LDLRAD4: variants seen among roughly 807,000 people sequenced by gnomAD.
The protein encoded by LDLRAD4 is low density lipoprotein receptor class A domain containing 4.
LDLRAD4 carries 5 observed loss-of-function variants against 17.0 expected under a neutral mutation model. The observed-to-expected ratio is 0.29, with a 90% CI of 0.15 to 0.62. The LOEUF (loss-of-function observed/expected upper bound fraction) is 0.62, where lower values mean the gene tolerates loss of function less well. Among genes scored for constraint, LDLRAD4 ranks in the 20% least tolerant of loss-of-function variants. The pLI is 0.84. For synonymous variants in LDLRAD4, 168 were observed against 171.8 expected, an observed-to-expected ratio of 0.98 and a Z score of 0.17; for missense variants, 340 against 424.7, an observed-to-expected ratio of 0.80 and a Z score of 1.75.
At chr18:13,408,835 T>TC (rs2088042063) in intron 2 of LDLRAD4, among the ~76,000 whole-genome samples, 2 of 152,316 alleles carry the variant, frequency 1.3e-5, no homozygotes, top group African/African-American at 4.8e-5. Flanking sequence ...TCCTTTTTTT[T>TC]CTTTCTCTTT....
chr18:13,629,291 T>A (rs1406526854), intron 4 of LDLRAD4, among the ~76,000 whole-genome samples: 3 of 152,252 alleles, frequency 2.0e-5, no homozygotes, highest in African/African-American at 7.2e-5. Context: ...TTAAGTCTTG[T>A]TCATTATATG....
At chr18:13,311,565 C>T (rs752874174) in intron 1 of LDLRAD4, among the ~76,000 whole-genome samples, 5 of 152,166 alleles carry the variant, frequency 3.3e-5, no homozygotes, top group South Asian at 2.1e-4. Context: ...AGCTGGTTGT[C>T]GCCATGTTCT....
At chr18:13,370,346 C>A (rs945242022) in intron 1 of LDLRAD4, among the ~76,000 whole-genome samples, 3 of 152,158 alleles carry the variant, frequency 2.0e-5, no homozygotes, top group African/African-American at 7.2e-5. Flanking sequence ...AGTCCAGGGT[C>A]CGGAGGTGGG....
intron 1 of LDLRAD4, among the ~76,000 whole-genome samples, chr18:13,298,256 G>A (rs954587266): frequency 1.3e-5 from 2 of 152,364 alleles, no homozygotes; most frequent in South Asian, 2.1e-4. Context: ...TGGGGCTGGA[G>A]GCCTGCCTGG....
intron 1 of LDLRAD4, among the ~76,000 whole-genome samples, chr18:13,324,294 C>T (rs1179602080): frequency 2.7e-5 from 4 of 147,058 alleles, no homozygotes; most frequent in East Asian, 4.2e-4. Context: ...CCTGCCACCA[C>T]ACCTGGCTAA....
rs183273503 is a variant in LDLRAD4 at position 13,261,770 on chromosome 18, T to C, written c.-466-16335T>C. Among the ~76,000 whole-genome samples the C allele has an allele frequency of 2.8e-3, 423 of 152,188 alleles. 2 individuals are homozygous for C. The highest frequency in any genetic ancestry group is 9.7e-3 in the African/African-American group (403 of 41,510). The stretch of plus-strand genomic sequence containing the variant: ...GCCCAAGAGTTATGGCTTACCCGGC[T>C]GCAGGCAGCATGCCACCTGTATGCA... On this transcript the variant is annotated intron_variant, in intron 1 of 5. Coordinates refer to the LDLRAD4 transcript ENST00000399848.
intron 3 of LDLRAD4, among the ~76,000 whole-genome samples, chr18:13,508,919 A>G (rs1280197873): frequency 6.6e-6 from 1 of 152,238 alleles, no homozygotes; most frequent in African/African-American, 2.4e-5. Flanking sequence ...CTTCTGATGG[A>G]TCTGGGCAAA....
intron 1 of LDLRAD4, among the ~76,000 whole-genome samples, chr18:13,370,721 T>TTTTTTTTGTTTTTG (rs1555663322): frequency 4.1e-5 from 6 of 147,098 alleles, no homozygotes; most frequent in Non-Finnish European, 7.5e-5. Context: ...TTGTTTTTTT[T>TTTTTTTTGTTTTTG]TTTTTTTGAG....
At chr18:13,279,826 C>T (rs2045141867) in intron 1 of LDLRAD4, 1 of 152,256 alleles carries the variant, frequency 6.6e-6, no homozygotes, top group South Asian at 2.1e-4. Flanking sequence ...AATTTTCAAG[C>T]ACAGACTTAG....
rs188310506 is a variant in LDLRAD4 at position 13,327,530 on chromosome 18, G to A, written c.-383+49342G>A. 3.3e-3 allele frequency among the ~76,000 whole-genome samples: 498 copies of A among 152,174 alleles called. 2 individuals carry two copies. The highest frequency in any genetic ancestry group is 4.5e-3 in the Non-Finnish European group (304 of 67,998). ...ATCAAAGCCAGATTTCAAGGAAGTC[G>A]GAAGGAGCAGATGGAGAGGAAGTGG... On this transcript the variant is annotated intron_variant, in intron 1 of 5. Coordinates refer to ENST00000359446, the Ensembl canonical transcript of LDLRAD4.
chr18:13,274,512 C>T (rs1279683141), upstream of LDLRAD4, among the ~76,000 whole-genome samples: 1 of 152,154 alleles, frequency 6.6e-6, no homozygotes, highest in East Asian at 1.9e-4. Flanking sequence ...TTTTTCTTGG[C>T]TTGGGTGTGA....
chr18:13,246,119 A>C (rs1017654574), intron 1 of LDLRAD4, among the ~76,000 whole-genome samples: 3 of 152,262 alleles, frequency 2.0e-5, no homozygotes, highest in Admixed American at 2.0e-4. Context: ...GTATTTTTAG[A>C]GGCTAATTAA....
intron 4 of LDLRAD4, among the ~76,000 whole-genome samples, chr18:13,632,997 G>C (rs139629597): frequency 6.6e-6 from 1 of 152,090 alleles, no homozygotes; most frequent in African/African-American, 2.4e-5. Context: ...TCATCCTGAC[G>C]TCTGTCCAGC....
chr18:13,355,335 A>G (rs2144513135), intron 1 of LDLRAD4, among the ~76,000 whole-genome samples: 1 of 152,292 alleles, frequency 6.6e-6, no homozygotes, highest in Admixed American at 6.5e-5. Context: ...CATCTGGATA[A>G]CTTGGTCAAT....
At chr18:13,287,994 C>T (rs1049796165) in intron 1 of LDLRAD4, among the ~76,000 whole-genome samples, 3 of 152,154 alleles carry the variant, frequency 2.0e-5, no homozygotes, top group South Asian at 2.1e-4. Flanking sequence ...ACGTAGAAGC[C>T]GTCAGATAAA....
At chr18:13,286,337 T>C (rs908089837) in intron 1 of LDLRAD4, among the ~76,000 whole-genome samples, 12 of 152,222 alleles carry the variant, frequency 7.9e-5, no homozygotes, top group Non-Finnish European at 1.8e-4. Flanking sequence ...AGAGATACAG[T>C]TGGAAAAGAA....
At chr18:13,638,767 G>A (rs2042282342) in intron 4 of LDLRAD4, among the ~76,000 whole-genome samples, 1 of 152,208 alleles carries the variant, frequency 6.6e-6, no homozygotes, top group African/African-American at 2.4e-5. Flanking sequence ...ATTCCAGGAT[G>A]CTTTCTTGAG....
At chr18:13,443,140 C>T (rs2091142538) in intron 3 of LDLRAD4, among the ~76,000 whole-genome samples, 1 of 152,196 alleles carries the variant, frequency 6.6e-6, no homozygotes, top group African/African-American at 2.4e-5. Flanking sequence ...ACTTTTTCCT[C>T]CCATTGCCAT....
chr18:13,651,524 CAGTT>C (rs1307549294), exon 6 of LDLRAD4: 1 of 152,226 alleles, frequency 6.6e-6, no homozygotes, highest in Non-Finnish European at 1.5e-5. Flanking sequence ...GTTTTGCCAT[CAGTT>C]AGAAATTACG....
Sources: gnomAD v4.1 joint callset for allele counts (sites outside exome capture counted in the v4.1 genomes callset) on GRCh38, gnomAD v4.1.1 for gene constraint, MANE v1.5 for transcripts, NCBI Gene and HGNC (gene_info 2026-07-23, HGNC 2026-07-21) for gene names.